Variants in LSAMP observed in about 807,000 individuals in gnomAD.
LSAMP encodes the protein limbic system associated membrane protein.
LSAMP carries 7 observed loss-of-function variants against 38.6 expected under a neutral mutation model. That is an observed-to-expected ratio of 0.18 (90% CI 0.10 to 0.34). The LOEUF (loss-of-function observed/expected upper bound fraction) is 0.34, where lower values mean the gene tolerates loss of function less well. LSAMP is among the 10% of genes least tolerant of loss of function. LSAMP has a pLI of 1.00. For synonymous variants in LSAMP, 154 were observed against 166.8 expected (o/e 0.92, Z 0.59); for missense variants, 313 against 420.0 (o/e 0.75, Z 2.23).
At chr3:116,005,934 G>T (rs1281225447) in intron 3 of LSAMP, among the ~76,000 whole-genome samples, 2 of 152,110 alleles carry the variant, frequency 1.3e-5, no homozygotes, top group Non-Finnish European at 2.9e-5. Flanking sequence ...TGCATATTCA[G>T]AGTTTAAGAG....
chr3:116,039,306 A>C (rs1185709996), intron 2 of LSAMP, among the ~76,000 whole-genome samples: 2 of 152,228 alleles, frequency 1.3e-5, no homozygotes. Context: ...CTTGATGATC[A>C]TTCATTATCA....
At chr3:116,150,606 G>A (rs1457140626) in intron 1 of LSAMP, among the ~76,000 whole-genome samples, 1 of 151,924 alleles carries the variant, frequency 6.6e-6, no homozygotes, top group African/African-American at 2.4e-5. Context: ...AGGAGTTGAA[G>A]TCTGAATGGG....
At chr3:116,222,707 C>A (rs1310809210) in intron 1 of LSAMP, among the ~76,000 whole-genome samples, 1 of 123,662 alleles carries the variant, frequency 8.1e-6, no homozygotes, top group Non-Finnish European at 1.7e-5. Context: ...TTTTGCTCAC[C>A]TTTCATCCTC....
chr3:116,120,911 T>C (rs757958075), intron 1 of LSAMP, among the ~76,000 whole-genome samples: 1 of 152,180 alleles, frequency 6.6e-6, no homozygotes, highest in African/African-American at 2.4e-5. Context: ...TCTTGCTAAC[T>C]CCCTTTACTT....
intron 1 of LSAMP, among the ~76,000 whole-genome samples, chr3:116,411,699 C>T (rs1159322664): frequency 6.7e-6 from 1 of 149,826 alleles, no homozygotes; most frequent in Non-Finnish European, 1.5e-5. Flanking sequence ...ATGGGTGCAG[C>T]ACACCAGCAT....
chr3:116,412,376 A>G (rs1018143436), intron 1 of LSAMP, among the ~76,000 whole-genome samples: 7 of 152,104 alleles, frequency 4.6e-5, no homozygotes, highest in African/African-American at 1.4e-4. Context: ...CTCACTATGC[A>G]GGTTCCCACA....
intron 1 of LSAMP, among the ~76,000 whole-genome samples, chr3:116,218,637 A>AT (rs1328740040): frequency 5.3e-5 from 8 of 151,978 alleles, no homozygotes; most frequent in African/African-American, 1.7e-4. Context: ...TCTCCCTTTT[A>AT]CTTTTTTGAG....
chr3:115,939,003 T>C (rs1353391178), intron 3 of LSAMP, among the ~76,000 whole-genome samples: 1 of 152,154 alleles, frequency 6.6e-6, no homozygotes, highest in Non-Finnish European at 1.5e-5. Context: ...TTCATTGGCT[T>C]TCAGATATTG....
chr3:115,868,214 G>T (rs1935915979), intron 3 of LSAMP, among the ~76,000 whole-genome samples: 1 of 152,110 alleles, frequency 6.6e-6, no homozygotes, highest in Non-Finnish European at 1.5e-5. Context: ...AGAGCTGTGG[G>T]CCATTGGCAT....
At position 115,928,996 on chromosome 3, in the gene LSAMP, T is replaced by TTTTATGGGGCTA. The variant is rs1159593587; in HGVS notation, c.515-76391_515-76380dup. Among the ~76,000 whole-genome samples the TTTTATGGGGCTA allele has an allele frequency of 1.4e-3, 203 of 142,490 alleles. 1 individual carries two copies. The highest frequency in any genetic ancestry group is 5.0e-3 in the African/African-American group (193 of 38,734). 93.5% of individuals were successfully genotyped at this position (142,490 alleles called of 152,430 possible). Reference sequence around the variant, plus strand: ...TTGTTTTTTTTTTTTTTTTTGCTTGTTTTATGGGGCTAGTTAGGTAGCGCT... The same window carrying TTTTATGGGGCTA: ...TTGTTTTTTTTTTTTTTTTTGCTTGTTTTATGGGGCTATTTATGGGGCTAGTTAGGTAGCGCT... On this transcript the variant is annotated intron_variant, in intron 3 of 6. Coordinates refer to ENST00000490035, the MANE Select transcript of LSAMP (RefSeq NM_002338.5).
chr3:116,236,786 G>A (rs2046470069), intron 1 of LSAMP, among the ~76,000 whole-genome samples: 1 of 151,888 alleles, frequency 6.6e-6, no homozygotes, highest in Admixed American at 6.6e-5. Context: ...AAACCACAAT[G>A]TATGAATTCA....
At chr3:115,814,434 A>T (rs1370171299) in intron 6 of LSAMP, among the ~76,000 whole-genome samples, 3 of 152,190 alleles carry the variant, frequency 2.0e-5, no homozygotes, top group African/African-American at 7.2e-5. Context: ...CTAGACTATA[A>T]ATTTGTTTCA....
intron 2 of LSAMP, among the ~76,000 whole-genome samples, chr3:116,035,926 G>A (rs1189286858): frequency 1.3e-5 from 2 of 152,190 alleles, no homozygotes; most frequent in Non-Finnish European, 2.9e-5. Flanking sequence ...GAAAATGTTG[G>A]GAAATGTGAG....
chr3:116,279,267 C>CTT (rs1288418557), intron 1 of LSAMP, among the ~76,000 whole-genome samples: 2 of 152,296 alleles, frequency 1.3e-5, no homozygotes, highest in Admixed American at 6.5e-5. Context: ...AGGAGTTCCT[C>CTT]TTTAGAGGAG....
intron 2 of LSAMP, among the ~76,000 whole-genome samples, chr3:116,049,960 C>T (rs113654765): frequency 1.3e-5 from 2 of 152,126 alleles, no homozygotes; most frequent in African/African-American, 4.8e-5. Flanking sequence ...GGGAATTATT[C>T]TTTTGCTGGA....
At chr3:116,089,397 G>A (rs1708067750) in intron 1 of LSAMP, among the ~76,000 whole-genome samples, 8 of 151,848 alleles carry the variant, frequency 5.3e-5, no homozygotes. Flanking sequence ...TCGCTCCGTC[G>A]CCCAGGCTAG....
intron 1 of LSAMP, among the ~76,000 whole-genome samples, chr3:116,410,947 A>G (rs2048967021): frequency 1.3e-5 from 2 of 152,094 alleles, no homozygotes; most frequent in African/African-American, 4.8e-5. Flanking sequence ...GTGGCTGGCT[A>G]TAATCTTATT....
chr3:116,115,812 T>C (rs961488760), intron 1 of LSAMP, among the ~76,000 whole-genome samples: 1 of 152,056 alleles, frequency 6.6e-6, no homozygotes. Flanking sequence ...TTCTGGTCCT[T>C]TGAGTATGAC....
chr3:116,155,047 T>C (rs1709712560), intron 1 of LSAMP, among the ~76,000 whole-genome samples: 2 of 152,088 alleles, frequency 1.3e-5, no homozygotes, highest in African/African-American at 2.4e-5. Flanking sequence ...TTTTGTCTTT[T>C]ATTTTTTTTA....
Sources: gnomAD v4.1 joint callset for allele counts (sites outside exome capture counted in the v4.1 genomes callset) on GRCh38, gnomAD v4.1.1 for gene constraint, MANE v1.5 for transcripts, NCBI Gene and HGNC (gene_info 2026-07-23, HGNC 2026-07-21) for gene names.